The following AGBL3 variants were observed in gnomAD, a reference collection of about 807,000 sequenced individuals.
AGBL3 encodes the protein cytosolic carboxypeptidase 3.
A neutral mutation model predicts 94.5 loss-of-function variants in AGBL3; 68 were observed. The observed-to-expected ratio is 0.72, with a 90% confidence interval of 0.59 to 0.88. AGBL3 has a LOEUF of 0.88. Among genes scored for constraint, AGBL3 ranks in the 40% least tolerant of loss-of-function variants. The pLI, the probability that AGBL3 is intolerant of heterozygous loss-of-function variation, is 0.00. For synonymous variants in AGBL3, 354 were observed against 370.7 expected (o/e 0.95, Z 0.52); for missense variants, 934 against 1,103.8 (o/e 0.85, Z 2.18).
At chr7:135,035,784 T>G (rs1043247456) in intron 7 of AGBL3, among the ~76,000 whole-genome samples, 1 of 152,152 alleles carries the variant, frequency 6.6e-6, no homozygotes, top group Non-Finnish European at 1.5e-5. Flanking sequence ...TTTGACTTGC[T>G]TATAAGAAAC....
At chr7:135,104,361 A>G (rs931081673) in intron 15 of AGBL3, among the ~76,000 whole-genome samples, 2 of 152,188 alleles carry the variant, frequency 1.3e-5, no homozygotes, top group Admixed American at 6.5e-5. Flanking sequence ...ATTATTCACA[A>G]TAGCAATGAA....
rs542860775 is a variant in AGBL3, at chr7:135,006,202, CTTTTATTTTTTTAT to C, written c.311-10837_311-10824del. Among the ~76,000 whole-genome samples the C allele has an allele frequency of 1.7e-3, 259 of 151,880 alleles. 4 individuals carry two copies. Among genetic ancestry groups the C allele is most frequent in the African/African-American group, 6.0e-3 (249 of 41,520 alleles). Reference sequence around the variant, plus strand: ...TGCTTATGCCAGTTGATTCTATCTCCTTTTATTTTTTTATTTTTATTTTTTTTAAAAAAGCTTTC... The same window carrying C: ...TGCTTATGCCAGTTGATTCTATCTCCTTTTATTTTTTTTAAAAAAGCTTTC... On this transcript the variant is annotated intron_variant, in intron 4 of 16. Coordinates refer to ENST00000436302, the MANE Select transcript of AGBL3 (RefSeq NM_178563.4).
At chr7:135,079,486 G>T (rs1245920277) in intron 13 of AGBL3, among the ~76,000 whole-genome samples, 1 of 152,000 alleles carries the variant, frequency 6.6e-6, no homozygotes, top group African/African-American at 2.4e-5. Flanking sequence ...TTGTTTTTGA[G>T]ACGGAGTCTA....
At chr7:135,057,860 G>GT (rs1563223974) in intron 11 of AGBL3, among the ~76,000 whole-genome samples, 4 of 152,186 alleles carry the variant, frequency 2.6e-5, no homozygotes, top group African/African-American at 9.7e-5. Context: ...AGTGGAAAAT[G>GT]TAAGTCTGAA....
intron 15 of AGBL3, among the ~76,000 whole-genome samples, chr7:135,097,016 TA>T (rs1200041807): frequency 6.6e-6 from 1 of 152,218 alleles, no homozygotes; most frequent in Non-Finnish European, 1.5e-5. Context: ...AAAGTGTTTT[TA>T]TGACCCAAGA....
Position 134,993,537 on chromosome 7 carries a change from C to A in AGBL3, c.169C>A (p.Leu57Ile), listed in dbSNP as rs1326260749. The part of the protein sequence containing the change: ...DPFFPRTTQI[L>I]LEYQLGRWVP... ...CTTCTTCCCCCGGACTACACAGATA[C>A]TATTAGAATATCAGCTAGGGAGATG... is the stretch of plus-strand genomic sequence containing the variant. Residue 57 changes from leucine to isoleucine, a missense_variant, in exon 4 of 17, where the codon CTA (leucine) becomes ATA (isoleucine). Leu to Ile is a conservative substitution (Grantham distance 5). Coordinates refer to ENST00000436302, the MANE Select transcript of AGBL3 (RefSeq NM_178563.4). 1 of 1,551,624 alleles carries A rather than the reference C, an allele frequency of 6.4e-7. No homozygotes were observed. Among genetic ancestry groups the A allele is most frequent in the Admixed American group, 2.0e-5 (1 of 50,978 alleles).
At position 135,135,635 on chromosome 7, in the gene AGBL3, C is replaced by T. The variant is rs542646947; in HGVS notation, c.*374C>T. On this transcript the variant is annotated 3_prime_UTR_variant, in exon 17 of 17. Transcript: ENST00000436302. The stretch of plus-strand genomic sequence containing the variant: ...CACTGATTTTAACCTCCCTACTAGA[C>T]ACTTTAATCAATTAGTCAACAAACA... 6.3e-6 allele frequency: 1 copy of T among 159,332 alleles called. No individual in the cohort carries two copies. Among genetic ancestry groups the T allele is most frequent in the Admixed American group, 6.3e-5 (1 of 15,894 alleles). 9.9% of individuals were successfully genotyped at this position (159,332 alleles called of 1,614,324 possible).
intron 15 of AGBL3, among the ~76,000 whole-genome samples, chr7:135,090,929 G>T (rs898041106): frequency 2.0e-5 from 3 of 152,130 alleles, no homozygotes; most frequent in African/African-American, 7.2e-5. Context: ...TTCTGCTGTA[G>T]TTCCAGTTCC....
chr7:135,041,557 CA>C (rs946645059), intron 8 of AGBL3, among the ~76,000 whole-genome samples: 5 of 152,018 alleles, frequency 3.3e-5, no homozygotes, highest in Admixed American at 3.3e-4. Context: ...ATCTAAAAAA[CA>C]AAAAACTTTC....
chr7:135,054,048 A>G (rs1181916414), intron 11 of AGBL3, among the ~76,000 whole-genome samples: 1 of 152,192 alleles, frequency 6.6e-6, no homozygotes, highest in East Asian at 1.9e-4. Flanking sequence ...CTATGATGGC[A>G]TAAGTGAAAC....
In AGBL3 at chr7:135,034,464, T is replaced by C. The variant is rs760333366; in HGVS notation, c.873T>C (p.Asp291=). The part of the protein sequence containing the change: ...TWTFQFPHNK[D]TCYFAHCYPY... ...CATTTCAATTTCCACACAACAAAGA[T>C]ACCTGCTACTTTGCTCATTGCTATC... The change falls in exon 7 of 17, where the codon GAT becomes GAC. Residue 291 remains aspartate, a synonymous_variant. Coordinates refer to ENST00000436302, the MANE Select transcript of AGBL3 (RefSeq NM_178563.4). 96 of 1,551,806 alleles carry C rather than the reference T, an allele frequency of 6.2e-5. No homozygotes were observed. The East Asian group carries it at 1.9e-3, about 31-fold the overall frequency.
At chr7:135,010,682 A>C (rs1450284691) in intron 4 of AGBL3, 2 of 152,184 alleles carry the variant, frequency 1.3e-5, no homozygotes, top group Non-Finnish European at 2.9e-5. Context: ...CAGGGAAAAA[A>C]AGTTGTTTTT....
At chr7:135,073,048 A>G (rs1021825295) in intron 12 of AGBL3, among the ~76,000 whole-genome samples, 8 of 152,148 alleles carry the variant, frequency 5.3e-5, no homozygotes, top group African/African-American at 1.9e-4. Flanking sequence ...GCCCCGTAAA[A>G]TAAGCCAAAC....
chr7:135,065,824 A>G (rs1265114269), intron 12 of AGBL3, among the ~76,000 whole-genome samples: 1 of 152,186 alleles, frequency 6.6e-6, no homozygotes, highest in Admixed American at 6.5e-5. Context: ...CTGGGAGGTC[A>G]AGGCTGCAGT....
chr7:135,095,441 T>C (rs1161900473), intron 15 of AGBL3, among the ~76,000 whole-genome samples: 1 of 152,146 alleles, frequency 6.6e-6, no homozygotes, highest in Non-Finnish European at 1.5e-5. Flanking sequence ...CTAGAGGAAT[T>C]CCAAGCCTTT....
intron 4 of AGBL3, among the ~76,000 whole-genome samples, chr7:135,016,030 C>CAAAAA (rs5887720): frequency 5.7e-5 from 8 of 141,300 alleles, no homozygotes; most frequent in African/African-American, 2.2e-4. Flanking sequence ...CACTCCATCT[C>CAAAAA]AAAAAAAAAA....
At chr7:134,990,099 C>T (rs953697981) in intron 3 of AGBL3, among the ~76,000 whole-genome samples, 2 of 152,140 alleles carry the variant, frequency 1.3e-5, no homozygotes, top group Non-Finnish European at 1.5e-5. Flanking sequence ...TTGAGAATTA[C>T]TTCTATAGGC....
At chr7:135,066,232 AC>A (rs1463767237) in intron 12 of AGBL3, among the ~76,000 whole-genome samples, 52 of 152,340 alleles carry the variant, frequency 3.4e-4, no homozygotes, top group Admixed American at 2.5e-3. Flanking sequence ...ATATATCTGA[AC>A]AGGGGGTAAT....
chr7:135,062,531 TG>T (rs940637212), intron 12 of AGBL3, among the ~76,000 whole-genome samples: 3 of 146,402 alleles, frequency 2.0e-5, no homozygotes, highest in Non-Finnish European at 4.5e-5. Context: ...TTGAGGTACA[TG>T]CATTTTATAC....
Sources: allele counts gnomAD v4.1 joint callset (sites outside exome capture counted in the v4.1 genomes callset), GRCh38; gene constraint gnomAD v4.1.1; transcripts MANE v1.5; gene names NCBI Gene and HGNC (gene_info 2026-07-23, HGNC 2026-07-21).